Variants in FAM171A1 observed in about 807,000 individuals in gnomAD.
FAM171A1 encodes the protein family with sequence similarity 171 member A1.
FAM171A1 carries 23 observed loss-of-function variants against 74.9 expected under a neutral mutation model. That is an observed-to-expected ratio of 0.31 (90% CI 0.22 to 0.44). The LOEUF (loss-of-function observed/expected upper bound fraction) is 0.44. Ranked by LOEUF, FAM171A1 falls within the 20% of genes least tolerant of loss-of-function variation. FAM171A1 has a pLI of 1.00. For synonymous variants in FAM171A1, 527 were observed against 505.7 expected, an observed-to-expected ratio of 1.04 and a Z score of -0.57; for missense variants, 1,162 against 1,159.2, an observed-to-expected ratio of 1.00 and a Z score of -0.03.
Position 15,304,579 on chromosome 10 carries a change from C to A in FAM171A1, c.98-20474G>T, listed in dbSNP as rs1420827730. On this transcript the variant is annotated intron_variant, in intron 1 of 7. Transcript: ENST00000378116. ...CCTTGTCCATTCCTTCCTGAAAAAACCTCAATAAAGGGTCCTGCCCACATT... is the reference window on the plus strand; with the variant it reads ...CCTTGTCCATTCCTTCCTGAAAAAAACTCAATAAAGGGTCCTGCCCACATT... 3.9e-5 allele frequency among the ~76,000 whole-genome samples: 6 copies of A among 152,256 alleles called. No individual in the cohort carries two copies. In the East Asian group the frequency reaches 7.7e-4, roughly 20 times the overall value.
intron 1 of FAM171A1, among the ~76,000 whole-genome samples, chr10:15,328,602 G>T (rs151244519): frequency 1.3e-5 from 2 of 152,186 alleles, no homozygotes; most frequent in African/African-American, 4.8e-5. Flanking sequence ...GCTCAAGCTC[G>T]GGTTTTCCTG....
In FAM171A1 at chr10:15,213,716, C is replaced by G; in HGVS notation, c.1872G>C (p.Gly624=). The change falls in exon 8 of 8, where the codon GGG becomes GGC. Residue 624 remains glycine (G), a synonymous_variant. Coordinates refer to ENST00000378116, the MANE Select transcript of FAM171A1 (RefSeq NM_001010924.2). The surrounding 1 kb of genome is among the most constrained non-coding windows in gnomAD (Gnocchi z 6.8). ...TCTGTGAGGACGGGTGTGGGAAGAT[C>G]CCGGCATGGGGATTGGACAGCTCAG... ...LQAELSNPHA[G]IFPHPSSQIQ... is the part of the protein sequence containing the mutation. The G allele has an allele frequency of 1.2e-6, 2 of 1,612,056 alleles. No homozygotes were observed. The highest frequency in any genetic ancestry group is 1.1e-5 in the South Asian group (1 of 90,846).
At chr10:15,284,932 TAA>T (rs553987604) in intron 1 of FAM171A1, among the ~76,000 whole-genome samples, 150 of 98,652 alleles carry the variant, frequency 1.5e-3, no homozygotes, top group African/African-American at 4.4e-3. Context: ...AGAAAAAGAA[TAA>T]AAAAAAAAAA....
intron 1 of FAM171A1, among the ~76,000 whole-genome samples, chr10:15,305,087 C>T (rs1429889144): frequency 6.6e-6 from 1 of 152,142 alleles, no homozygotes; most frequent in East Asian, 1.9e-4. Flanking sequence ...CTGTTGGCCT[C>T]ACCACACCTG....
chr10:15,225,715 C>T (rs763193912), intron 5 of FAM171A1, among the ~76,000 whole-genome samples: 5 of 152,110 alleles, frequency 3.3e-5, no homozygotes, highest in Admixed American at 2.0e-4. Flanking sequence ...CCAGGAAGGG[C>T]GCCCTTTCAT....
intron 3 of FAM171A1, among the ~76,000 whole-genome samples, chr10:15,275,431 C>T (rs1358198643): frequency 6.6e-6 from 1 of 151,800 alleles, no homozygotes; most frequent in East Asian, 1.9e-4. Flanking sequence ...GGATTACAGG[C>T]ATGTGCCACC....
intron 1 of FAM171A1, among the ~76,000 whole-genome samples, chr10:15,298,359 C>G (rs2131824504): frequency 6.6e-6 from 1 of 152,248 alleles, no homozygotes; most frequent in East Asian, 1.9e-4. Flanking sequence ...GTTTCAAACT[C>G]CTGACCTCAG....
At chr10:15,256,162 A>T (rs371557236) in intron 3 of FAM171A1, among the ~76,000 whole-genome samples, 2 of 152,072 alleles carry the variant, frequency 1.3e-5, no homozygotes, top group South Asian at 4.1e-4. Context: ...TCCTGCTTCA[A>T]CAGCTCTGCA....
intron 5 of FAM171A1, among the ~76,000 whole-genome samples, chr10:15,227,046 C>T (rs768346201): frequency 1.5e-4 from 23 of 152,206 alleles, no homozygotes; most frequent in Non-Finnish European, 2.6e-4. Flanking sequence ...TTTGCCCAGG[C>T]TGGAGTGCAG....
intron 1 of FAM171A1, among the ~76,000 whole-genome samples, chr10:15,293,556 A>AAAT (rs1554836988): frequency 1.6e-5 from 1 of 64,122 alleles, no homozygotes. Context: ...GTAAAAAAAA[A>AAAT]ATATATATAT....
intron 1 of FAM171A1, among the ~76,000 whole-genome samples, chr10:15,295,183 C>T (rs1835146440): frequency 1.3e-5 from 2 of 152,200 alleles, no homozygotes; most frequent in Admixed American, 1.3e-4. Context: ...GGTGATCCAC[C>T]TGCCTCGGCC....
chr10:15,354,480 A>T (rs1262335265), intron 1 of FAM171A1, among the ~76,000 whole-genome samples: 2 of 151,926 alleles, frequency 1.3e-5, no homozygotes, highest in Admixed American at 1.3e-4. Context: ...TGGGTGACAG[A>T]GCGAGACCCT....
intron 5 of FAM171A1, among the ~76,000 whole-genome samples, chr10:15,229,750 T>A (rs1228843632): frequency 5.5e-5 from 3 of 54,872 alleles, no homozygotes; most frequent in South Asian, 8.5e-4. Context: ...CCCATCACCA[T>A]CATCACCATC....
intron 1 of FAM171A1, among the ~76,000 whole-genome samples, chr10:15,299,163 C>T (rs1835197804): frequency 6.6e-6 from 1 of 152,178 alleles, no homozygotes; most frequent in South Asian, 2.1e-4. Context: ...AGGTGATCCG[C>T]CTGCTTCAGC....
rs902687252 is a variant in FAM171A1 at position 15,367,059 on chromosome 10, C to T, written c.97+3897G>A. ...TAAAAATACAAAAAAAATAGCCAGGCGTGGTGGCGGGCACCTGTAGTCCCA... is the reference window on the plus strand; with the variant it reads ...TAAAAATACAAAAAAAATAGCCAGGTGTGGTGGCGGGCACCTGTAGTCCCA... On this transcript the variant is annotated intron_variant, in intron 1 of 7. Transcript: ENST00000378116. Among the ~76,000 whole-genome samples the T allele has an allele frequency of 4.6e-5, 7 of 152,126 alleles. No individual in the cohort carries two copies. The South Asian group carries it at 6.2e-4, about 14-fold the overall frequency.
intron 1 of FAM171A1, among the ~76,000 whole-genome samples, chr10:15,348,712 T>C (rs942497842): frequency 9.2e-5 from 14 of 152,186 alleles, no homozygotes; most frequent in African/African-American, 2.9e-4. Flanking sequence ...GACCCTGAAT[T>C]TGAATCTGCA....
At chr10:15,326,893 G>A (rs1465575927) in intron 1 of FAM171A1, among the ~76,000 whole-genome samples, 1 of 152,184 alleles carries the variant, frequency 6.6e-6, no homozygotes, top group Non-Finnish European at 1.5e-5. Flanking sequence ...TTCCTAAAGG[G>A]CTGGGATTAC....
In FAM171A1 at chr10:15,248,642, G is replaced by A. The variant is rs1386788945; in HGVS notation, c.751C>T (p.Leu251=). The change falls in exon 5 of 8, where the codon CTG becomes TTG. Residue 251 remains leucine (L), a synonymous_variant. Transcript: ENST00000378116. ...TCGGCACAGAACTCTTGCTTACCCAGCTTCTGGTCAAACCGCCACGCCGCG... is the reference window on the plus strand; with the variant it reads ...TCGGCACAGAACTCTTGCTTACCCAACTTCTGGTCAAACCGCCACGCCGCG... The part of the protein sequence containing the change: ...YVAAWRFDQK[L]GTWLKSGLGL... The A allele has an allele frequency of 6.2e-7, 1 of 1,601,612 alleles. No homozygotes were observed. The highest frequency in any genetic ancestry group is 2.3e-5 in the East Asian group (1 of 44,290).
intron 1 of FAM171A1, among the ~76,000 whole-genome samples, chr10:15,331,556 A>C (rs1417810738): frequency 6.6e-6 from 1 of 151,954 alleles, no homozygotes; most frequent in Non-Finnish European, 1.5e-5. Flanking sequence ...GACAATCTAA[A>C]AAATGTAACC....
Sources: gnomAD v4.1 joint callset for allele counts (sites outside exome capture counted in the v4.1 genomes callset) on GRCh38, gnomAD v4.1.1 for gene constraint, Gnocchi (gnomAD v3.1) non-coding constraint, MANE v1.5 for transcripts, NCBI Gene and HGNC (gene_info 2026-07-23, HGNC 2026-07-21) for gene names.